NLGN1: variants seen among roughly 807,000 people sequenced by gnomAD.
NLGN1 encodes neuroligin-1.
NLGN1 carries 12 observed loss-of-function variants against 65.5 expected under a neutral mutation model. That is an observed-to-expected ratio of 0.18 (90% CI 0.12 to 0.30). NLGN1 has a LOEUF of 0.30. Among genes scored for constraint, NLGN1 ranks in the 10% least tolerant of loss-of-function variants. The pLI, the probability that NLGN1 is intolerant of heterozygous loss-of-function variation, is 1.00. For missense variants in NLGN1, 750 were observed against 1,007.1 expected, an observed-to-expected ratio of 0.74 and a Z score of 3.46; for synonymous variants, 350 against 359.5, an observed-to-expected ratio of 0.97 and a Z score of 0.30.
intron 4 of NLGN1, among the ~76,000 whole-genome samples, chr3:174,157,725 A>G (rs1263133896): frequency 6.6e-6 from 1 of 151,816 alleles, no homozygotes; most frequent in Non-Finnish European, 1.5e-5. Flanking sequence ...TGTCTTGATC[A>G]TATTTTCAGT....
intron 3 of NLGN1, among the ~76,000 whole-genome samples, chr3:173,626,004 C>G (rs1197325489): frequency 3.3e-5 from 5 of 151,952 alleles, no homozygotes; most frequent in African/African-American, 4.8e-5. Flanking sequence ...GCAACTATAT[C>G]ATAATACATT....
chr3:173,490,216 T>C (rs1158108275), intron 2 of NLGN1, among the ~76,000 whole-genome samples: 1 of 152,246 alleles, frequency 6.6e-6, no homozygotes, highest in Admixed American at 6.5e-5. Flanking sequence ...CTAGGGTTTT[T>C]ATGGTTTTAG....
At chr3:173,785,336 T>C (rs1781784738) in intron 3 of NLGN1, among the ~76,000 whole-genome samples, 1 of 152,204 alleles carries the variant, frequency 6.6e-6, no homozygotes, top group African/African-American at 2.4e-5. Context: ...TCAATATATC[T>C]TGATAATTTC....
At chr3:173,504,285 C>T (rs1053903334) in intron 2 of NLGN1, among the ~76,000 whole-genome samples, 4 of 151,992 alleles carry the variant, frequency 2.6e-5, no homozygotes, top group African/African-American at 9.7e-5. Context: ...ACACTATATA[C>T]AGCATATGTG....
Position 174,079,302 on chromosome 3 carries a change from G to T in NLGN1, c.647-196013G>T, listed in dbSNP as rs544909044. Among the ~76,000 whole-genome samples the T allele has an allele frequency of 1.2e-4, 18 of 152,230 alleles. No individual in the cohort carries two copies. In the South Asian group the frequency reaches 3.3e-3, roughly 28 times the overall value. ...ATATGAAAAAAAGCTCAGCATTACT[G>T]ATCTTTAGAGAAATGCCAGTCAAAA... is the stretch of plus-strand genomic sequence containing the variant. On this transcript the variant is annotated intron_variant, in intron 4 of 6. Coordinates refer to ENST00000457714, the Ensembl canonical transcript of NLGN1.
chr3:173,700,934 G>A (rs1430873024), intron 3 of NLGN1, among the ~76,000 whole-genome samples: 1 of 152,108 alleles, frequency 6.6e-6, no homozygotes, highest in Non-Finnish European at 1.5e-5. Context: ...GACCATCCTG[G>A]CTAACACGGT....
intron 4 of NLGN1, among the ~76,000 whole-genome samples, chr3:173,891,669 C>T (rs1462886961): frequency 6.6e-6 from 1 of 152,212 alleles, no homozygotes; most frequent in Non-Finnish European, 1.5e-5. Flanking sequence ...AACTCTAAAA[C>T]TTACCAAGGC....
At chr3:174,116,872 A>G (rs1716592808) in intron 4 of NLGN1, among the ~76,000 whole-genome samples, 1 of 152,192 alleles carries the variant, frequency 6.6e-6, no homozygotes, top group African/African-American at 2.4e-5. Flanking sequence ...CTCATTTCTT[A>G]GAATAATTAA....
intron 2 of NLGN1, among the ~76,000 whole-genome samples, chr3:173,562,947 G>A (rs2149303822): frequency 6.6e-6 from 1 of 152,046 alleles, no homozygotes; most frequent in East Asian, 1.9e-4. Flanking sequence ...CCATGTCCAA[G>A]GCTGAACTAT....
chr3:173,694,415 T>C (rs1305530831), intron 3 of NLGN1, among the ~76,000 whole-genome samples: 1 of 152,164 alleles, frequency 6.6e-6, no homozygotes, highest in Non-Finnish European at 1.5e-5. Context: ...AATGTTTCAT[T>C]ATGTTTGGTT....
At chr3:173,467,323 T>C (rs1724536839) in intron 2 of NLGN1, among the ~76,000 whole-genome samples, 1 of 152,108 alleles carries the variant, frequency 6.6e-6, no homozygotes, top group Non-Finnish European at 1.5e-5. Flanking sequence ...ATTGCTTCCA[T>C]TTTTCATAAT....
chr3:173,697,546 A>T (rs1766403697), intron 3 of NLGN1, among the ~76,000 whole-genome samples: 1 of 150,580 alleles, frequency 6.6e-6, no homozygotes, highest in Non-Finnish European at 1.5e-5. Context: ...TTTTTTTTTT[A>T]GACTGAGTTT....
chr3:173,454,225 G>GAT (rs1295534635), intron 2 of NLGN1, among the ~76,000 whole-genome samples: 2 of 152,166 alleles, frequency 1.3e-5, no homozygotes, highest in Non-Finnish European at 2.9e-5. Context: ...TGCATGCTTT[G>GAT]ATATTCTATT....
intron 4 of NLGN1, among the ~76,000 whole-genome samples, chr3:174,061,774 A>G (rs1193632767): frequency 6.6e-6 from 1 of 152,132 alleles, no homozygotes; most frequent in Non-Finnish European, 1.5e-5. Flanking sequence ...GCTACTCTAT[A>G]AAGTGCAGAA....
intron 3 of NLGN1, among the ~76,000 whole-genome samples, chr3:173,707,579 T>A (rs1768244512): frequency 6.6e-6 from 1 of 152,088 alleles, no homozygotes; most frequent in South Asian, 2.1e-4. Context: ...TGAGTCTCTG[T>A]CTCCCAACGT....
At chr3:174,275,026 G>A (rs923841726) in intron 4 of NLGN1, among the ~76,000 whole-genome samples, 2 of 151,824 alleles carry the variant, frequency 1.3e-5, no homozygotes, top group Admixed American at 6.6e-5. Context: ...CCCCTGGAAT[G>A]TCTTCCCTGA....
rs188279229 is a variant in NLGN1 at position 173,979,683 on chromosome 3, G to C, written c.646+171851G>C. Among the ~76,000 whole-genome samples the C allele has an allele frequency of 2.6e-5, 4 of 152,242 alleles. No individual in the cohort carries two copies. In the East Asian group the frequency reaches 7.7e-4, roughly 29 times the overall value. ...TGGTATGCAGTGCAGAATTTTTCAA[G>C]ATTACCAGTCTTCTGAAGGTTACTG... On this transcript the variant is annotated intron_variant, in intron 4 of 6. Transcript: ENST00000457714.
chr3:174,290,617 G>A (rs1432010252), downstream of NLGN1, among the ~76,000 whole-genome samples: 3 of 150,884 alleles, frequency 2.0e-5, no homozygotes, highest in African/African-American at 7.3e-5. Context: ...TTTTTTAAAT[G>A]ACTATAAGCA....
At chr3:174,267,017 C>A (rs905925436) in intron 4 of NLGN1, among the ~76,000 whole-genome samples, 1 of 152,010 alleles carries the variant, frequency 6.6e-6, no homozygotes, top group Non-Finnish European at 1.5e-5. Flanking sequence ...AAAACATTAT[C>A]TCTTCTAATA....
Sources: allele counts gnomAD v4.1 joint callset (sites outside exome capture counted in the v4.1 genomes callset), GRCh38; gene constraint gnomAD v4.1.1; transcripts MANE v1.5; gene names NCBI Gene and HGNC (gene_info 2026-07-23, HGNC 2026-07-21).